Variants in PCBP4 observed in about 807,000 individuals in gnomAD.
PCBP4 encodes poly(rC) binding protein 4, also known as poly(rC)-binding protein 4.
In PCBP4, 24 loss-of-function variants were observed where a neutral mutation model predicts 46.2. The observed-to-expected ratio is 0.52, with a 90% CI of 0.38 to 0.73. PCBP4 has a LOEUF of 0.73. Among genes scored for constraint, PCBP4 ranks in the 30% least tolerant of loss-of-function variants. PCBP4 has a pLI of 0.00. For missense variants in PCBP4, 407 were observed against 537.0 expected, an observed-to-expected ratio of 0.76 and a Z score of 2.39; for synonymous variants, 203 against 224.4, an observed-to-expected ratio of 0.90 and a Z score of 0.85.
rs1700053795 is a variant in PCBP4, at chr3:51,959,780, A to G, written c.516+115T>C. 6 of 1,497,792 alleles carry G rather than the reference A, an allele frequency of 4.0e-6. No homozygotes were observed. Among genetic ancestry groups the G allele is most frequent in the Admixed American group, 1.9e-5 (1 of 51,594 alleles). The allele number at this position is 1,497,792 out of a possible 1,614,324, so 92.8% of individuals were successfully genotyped here. On this transcript the variant is annotated intron_variant, in intron 8 of 13. Coordinates refer to ENST00000461554, the MANE Select transcript of PCBP4 (RefSeq NM_001174100.2). The surrounding 1 kb of genome is among the most constrained non-coding windows in gnomAD (Gnocchi z 5.6). ...ACATGATCCCTGGAGCTCATCATCCATCCCTGCAGCCCTGCCCTGCCCCAC... is the reference window on the plus strand; with the variant it reads ...ACATGATCCCTGGAGCTCATCATCCGTCCCTGCAGCCCTGCCCTGCCCCAC...
In PCBP4 at chr3:51,959,411, C is replaced by T. The variant is rs323872; in HGVS notation, c.592G>A (p.Gly198Ser). 11,830 of 1,605,364 alleles carry T rather than the reference C, an allele frequency of 7.4e-3. 787 individuals are homozygous for T. In the African/African-American group the frequency reaches 0.14, roughly 19 times the overall value. Residue 198 changes from glycine to serine, a missense_variant and splice_region_variant, in exon 10 of 14, where the codon GGC (glycine) becomes AGC (serine). By Grantham distance (56) the Gly-to-Ser change is moderately conservative (BLOSUM62 0). Coordinates refer to ENST00000461554, the MANE Select transcript of PCBP4 (RefSeq NM_001174100.2). This position sits in a 1 kb window ranked among gnomAD's most constrained non-coding sequence, Gnocchi z 5.6. ...LGTVLLSANQ[G>S]FSVQGQYGAV... is the part of the protein sequence containing the mutation. Reference sequence around the variant, plus strand: ...CCATACTGACCCTGGACAGAGAAGCCCTGTGGGGACAAAGTGGATGAAAAG... The same window carrying T: ...CCATACTGACCCTGGACAGAGAAGCTCTGTGGGGACAAAGTGGATGAAAAG...
intron 2 of PCBP4, 158 bp from the exon 3 acceptor site, chr3:51,961,462 G>A (rs746596908): frequency 1.9e-5 from 17 of 872,690 alleles, no homozygotes; most frequent in Non-Finnish European, 2.7e-5. Context: ...GTGCTTATGT[G>A]TGTCTCACGA....
intron 2 of PCBP4, 59 bp from the exon 3 acceptor site, chr3:51,961,363 T>C: frequency 1.4e-6 from 2 of 1,467,626 alleles, no homozygotes; most frequent in Non-Finnish European, 1.8e-6. Context: ...GCCCCTGCCC[T>C]TACATGGGGA....
rs956475455 is a variant in PCBP4, at chr3:51,959,779, C to T, written c.516+116G>A. The T allele has an allele frequency of 9.4e-6, 14 of 1,495,076 alleles. No individual in the cohort carries two copies. The highest frequency in any genetic ancestry group is 1.9e-4 in the Middle Eastern group (1 of 5,178). The allele number at this position is 1,495,076 out of a possible 1,614,324, so 92.6% of individuals were successfully genotyped here. On this transcript the variant is annotated intron_variant, in intron 8 of 13. Coordinates refer to ENST00000461554, the MANE Select transcript of PCBP4 (RefSeq NM_001174100.2). This position sits in a 1 kb window ranked among gnomAD's most constrained non-coding sequence, Gnocchi z 5.6. ...CACATGATCCCTGGAGCTCATCATCCATCCCTGCAGCCCTGCCCTGCCCCA... is the reference window on the plus strand; with the variant it reads ...CACATGATCCCTGGAGCTCATCATCTATCCCTGCAGCCCTGCCCTGCCCCA...
At chr3:51,961,411 G>A in intron 2 of PCBP4, 107 bp from the exon 3 acceptor site, 1 of 1,250,028 alleles carries the variant, frequency 8.0e-7, no homozygotes. Flanking sequence ...AGAGGAAAGA[G>A]ACTGCATGGA....
chr3:51,959,377 G>T lies in PCBP4; in HGVS notation c.626C>A (p.Thr209Asn), dbSNP rs763593895. Reference protein sequence around the residue: ...FSVQGQYGAVTPAEVTKLQQL... With the variant: ...FSVQGQYGAVNPAEVTKLQQL... ...CTATGGGTCACTCACCTCAGCTGGG[G>T]TCACAGCCCCATACTGACCCTGGAC... The change falls in exon 10 of 14, where the codon ACC (threonine) becomes AAC (asparagine). Residue 209 changes from threonine to asparagine, a missense_variant. Coordinates refer to ENST00000461554, the MANE Select transcript of PCBP4 (RefSeq NM_001174100.2). This position sits in a 1 kb window ranked among gnomAD's most constrained non-coding sequence, Gnocchi z 5.6. The T allele has an allele frequency of 2.5e-6, 4 of 1,612,760 alleles. No homozygotes were observed. The highest frequency in any genetic ancestry group is 4.5e-5 in the East Asian group (2 of 44,852).
chr3:51,957,982 A>G lies in PCBP4; in HGVS notation c.*79T>C. 7.5e-7 allele frequency: 1 copy of G among 1,335,048 alleles called. No individual in the cohort carries two copies. Among genetic ancestry groups the G allele is most frequent in the Non-Finnish European group, 1.0e-6 (1 of 983,790 alleles). The allele number at this position is 1,335,048 out of a possible 1,614,324, so 82.7% of individuals were successfully genotyped here. A position where few individuals can be genotyped will look rare whatever the true frequency, so the allele number is the denominator to read the frequency against. ...AGCGGCGTTTGGGACCCCAGGGTGG[A>G]GTCTCCTTGGGCGGGTAGGGTGCAG... On this transcript the variant is annotated 3_prime_UTR_variant, in exon 14 of 14. Transcript: ENST00000461554.
At chr3:51,961,592 G>A (rs1237784772) in intron 2 of PCBP4, 1 of 343,848 alleles carries the variant, frequency 2.9e-6, no homozygotes, top group Non-Finnish European at 5.0e-6. Context: ...GCACATACAT[G>A]GTAGGTACCT....
intron 2 of PCBP4, chr3:51,961,558 G>A (rs754836118): frequency 3.2e-5 from 15 of 461,678 alleles, no homozygotes; most frequent in Non-Finnish European, 4.4e-5. Flanking sequence ...CATCTCCAAA[G>A]AGTGATGAGA....
Position 51,958,994 on chromosome 3 carries a change from T to TCCAGACCC in PCBP4, c.754-43_754-36dup, listed in dbSNP as rs1430365551. On this transcript the variant is annotated intron_variant, in intron 12 of 13. Transcript: ENST00000461554. The surrounding 1 kb of genome is among the most constrained non-coding windows in gnomAD (Gnocchi z 5.4). ...AGGCAGAATTCAGCCCTGGGTGAGG[T>TCCAGACCC]CCAGACCCCCAGACCCCCTACCCAC... 1.2e-6 allele frequency: 2 copies of TCCAGACCC among 1,613,500 alleles called. No homozygotes were observed. Among genetic ancestry groups the TCCAGACCC allele is most frequent in the Non-Finnish European group, 1.7e-6 (2 of 1,179,696 alleles).
chr3:51,960,990 G>C lies in PCBP4; in HGVS notation c.105+20C>G, dbSNP rs1479648410. On this transcript the variant is annotated intron_variant, in intron 4 of 13. Coordinates refer to ENST00000461554, the MANE Select transcript of PCBP4 (RefSeq NM_001174100.2). This position sits in a 1 kb window ranked among gnomAD's most constrained non-coding sequence, Gnocchi z 5.0. ...AGCCTCAGCTGGAGGGGGATGTACAGAGCAGAGCTAGGCACCTACCTTCCC... is the reference window on the plus strand; with the variant it reads ...AGCCTCAGCTGGAGGGGGATGTACACAGCAGAGCTAGGCACCTACCTTCCC... 1 of 1,614,232 alleles carries C rather than the reference G, an allele frequency of 6.2e-7. No individual in the cohort carries two copies. The highest frequency in any genetic ancestry group is 8.5e-7 in the Non-Finnish European group (1 of 1,180,030).
chr3:51,960,543 C>G lies in PCBP4; in HGVS notation c.238G>C (p.Ala80Pro). Residue 80 changes from alanine (A) to proline (P), a missense_variant, in exon 6 of 14, where the codon GCT becomes CCT. By Grantham distance (27) the Ala-to-Pro change is conservative. Transcript: ENST00000461554. This position sits in a 1 kb window ranked among gnomAD's most constrained non-coding sequence, Gnocchi z 5.0. ...AAVFHAVSMI[A>P]FKLDEDLCAA... Reference sequence around the variant, plus strand: ...CCACGGACCTCATCCAGTTTGAAAGCAATCATGGAGACTGCATGGAAGACA... The same window carrying G: ...CCACGGACCTCATCCAGTTTGAAAGGAATCATGGAGACTGCATGGAAGACA... 1 of 1,613,408 alleles carries G rather than the reference C, an allele frequency of 6.2e-7. No homozygotes were observed. Among genetic ancestry groups the G allele is most frequent in the Non-Finnish European group, 8.5e-7 (1 of 1,179,314 alleles).
At position 51,958,971 on chromosome 3, in the gene PCBP4, G is replaced by A. The variant is rs1454315321; in HGVS notation, c.754-12C>T. The A allele has an allele frequency of 1.9e-6, 3 of 1,613,888 alleles. No homozygotes were observed. Among genetic ancestry groups the A allele is most frequent in the Admixed American group, 3.3e-5 (2 of 59,994 alleles). On this transcript the variant is annotated splice_polypyrimidine_tract_variant and intron_variant, in intron 12 of 13. Coordinates refer to ENST00000461554, the MANE Select transcript of PCBP4 (RefSeq NM_001174100.2). The surrounding 1 kb of genome is among the most constrained non-coding windows in gnomAD (Gnocchi z 5.4). ...ACACAGCCAATCAACTAGAGGGAAG[G>A]CAGAATTCAGCCCTGGGTGAGGTCC... is the stretch of plus-strand genomic sequence containing the variant.
Position 51,960,632 on chromosome 3 carries a change from C to G in PCBP4, c.149G>C (p.Arg50Pro). The change falls in exon 6 of 14, where the codon CGG becomes CCG. Residue 50 changes from arginine to proline, a missense_variant. Physicochemically the swap from Arg to Pro is moderately radical, Grantham distance 103. Coordinates refer to ENST00000461554, the MANE Select transcript of PCBP4 (RefSeq NM_001174100.2). The surrounding 1 kb of genome is among the most constrained non-coding windows in gnomAD (Gnocchi z 5.0). ...VKRIREQSSA[R>P]ITISEGSCPE... ...GCAGGAGCCCTCGGAGATGGTGATC[C>G]GGGCACTGCTCTGCAGATATAGAAT... is the stretch of plus-strand genomic sequence containing the variant. 8.7e-6 allele frequency: 14 copies of G among 1,613,136 alleles called. No homozygotes were observed. Among genetic ancestry groups the G allele is most frequent in the Non-Finnish European group, 1.2e-5 (14 of 1,179,066 alleles).
chr3:51,966,766 A>C (rs1700450271), intron 1 of PCBP4, among the ~76,000 whole-genome samples: 1 of 151,968 alleles, frequency 6.6e-6, no homozygotes. Context: ...CCAGGCAGGC[A>C]TGAGGGCCAG....
In PCBP4 at chr3:51,958,430, AT is replaced by A; in HGVS notation, c.924-82del. 2.1e-6 allele frequency: 2 copies of A among 972,550 alleles called. No individual in the cohort carries two copies. The highest frequency in any genetic ancestry group is 2.9e-6 in the Non-Finnish European group (2 of 684,766). 60.2% of individuals were successfully genotyped at this position (972,550 alleles called of 1,614,324 possible). A position where few individuals can be genotyped will look rare whatever the true frequency, so the allele number is the denominator to read the frequency against. On this transcript the variant is annotated intron_variant, in intron 13 of 13. Transcript: ENST00000461554. This position sits in a 1 kb window ranked among gnomAD's most constrained non-coding sequence, Gnocchi z 5.4. ...CAATGAGGGCAGAGATGGGCATGAG[AT>A]TAGATGAAAGGCAAGAGAGAGGTAG...
At chr3:51,962,514 T>C (rs1334840380) in intron 1 of PCBP4, among the ~76,000 whole-genome samples, 1 of 152,098 alleles carries the variant, frequency 6.6e-6, no homozygotes, top group Non-Finnish European at 1.5e-5. Flanking sequence ...TGGTGCTAAG[T>C]CTGGGCCAAG....
chr3:51,966,578 C>T (rs1188748147), intron 1 of PCBP4, among the ~76,000 whole-genome samples: 3 of 152,100 alleles, frequency 2.0e-5, no homozygotes, highest in East Asian at 1.9e-4. Flanking sequence ...TGGTTCAGCA[C>T]GAACATGAGC....
At chr3:51,966,454 A>G (rs1157519664) in intron 1 of PCBP4, among the ~76,000 whole-genome samples, 1 of 152,046 alleles carries the variant, frequency 6.6e-6, no homozygotes, top group Admixed American at 6.5e-5. Flanking sequence ...ACTGGTCCTG[A>G]GGCAATGAGG....
Sources: gnomAD v4.1 joint callset for allele counts (sites outside exome capture counted in the v4.1 genomes callset) on GRCh38, gnomAD v4.1.1 for gene constraint, Gnocchi (gnomAD v3.1) non-coding constraint, MANE v1.5 for transcripts, NCBI Gene and HGNC (gene_info 2026-07-23, HGNC 2026-07-21) for gene names.